PPP2CA: variants seen among roughly 807,000 people sequenced by gnomAD.
PPP2CA encodes serine/threonine-protein phosphatase 2A catalytic subunit alpha isoform.
Under a neutral mutation model 38.8 loss-of-function variants are expected in PPP2CA, and 5 were observed. The observed-to-expected ratio is 0.13, with a 90% confidence interval of 0.07 to 0.27. The LOEUF is 0.27. PPP2CA is among the 10% of genes least tolerant of loss of function. The pLI is 1.00. For synonymous variants in PPP2CA, 152 were observed against 134.0 expected (o/e 1.13, Z -0.93); for missense variants, 88 against 389.7 (o/e 0.23, Z 6.52).
intron 1 of PPP2CA, among the ~76,000 whole-genome samples, chr5:134,221,207 G>T (rs1300801342): frequency 6.6e-6 from 1 of 152,136 alleles, no homozygotes; most frequent in Non-Finnish European, 1.5e-5. Context: ...CGCCTCCCAG[G>T]TTCAAGCAAT....
At chr5:134,209,978 T>C (rs1236308443) in intron 1 of PPP2CA, among the ~76,000 whole-genome samples, 1 of 151,960 alleles carries the variant, frequency 6.6e-6, no homozygotes, top group Non-Finnish European at 1.5e-5. Context: ...CCCAAAAGGC[T>C]GAGCTAGGAG....
At chr5:134,210,884 C>G (rs1762190575) in intron 1 of PPP2CA, among the ~76,000 whole-genome samples, 2 of 152,124 alleles carry the variant, frequency 1.3e-5, no homozygotes, top group African/African-American at 4.8e-5. Context: ...TTCTGAAATT[C>G]AGTCAAATGG....
chr5:134,198,404 A>AAACG, intron 6 of PPP2CA, among the ~76,000 whole-genome samples: 1 of 151,476 alleles, frequency 6.6e-6, no homozygotes, highest in African/African-American at 2.4e-5. Flanking sequence ...AAAAACAAAC[A>AAACG]AACAACAAAA....
chr5:134,205,894 A>C lies in PPP2CA; in HGVS notation c.312+28T>G, dbSNP rs529462183. On this transcript the variant is annotated intron_variant, in intron 2 of 6. Coordinates refer to ENST00000481195, the MANE Select transcript of PPP2CA (RefSeq NM_002715.4). ...CAAGAGGACTGTCTTACCCATTTCAACATGCCCCAACATAAAATTGAAATT... is the reference window on the plus strand; with the variant it reads ...CAAGAGGACTGTCTTACCCATTTCACCATGCCCCAACATAAAATTGAAATT... 5 of 1,590,166 alleles carry C rather than the reference A, an allele frequency of 3.1e-6. No homozygotes were observed. The South Asian group carries it at 5.5e-5, about 18-fold the overall frequency.
Position 134,221,643 on chromosome 5 carries a change from CAT to C in PPP2CA, c.102+4115_102+4116del. ...GACAAAGAGGAACAACAGTATGTAA[CAT>C]GAATAGGAAGCTTTCAAGCAATGAA... is the stretch of plus-strand genomic sequence containing the variant. On this transcript the variant is annotated intron_variant, in intron 1 of 6. Coordinates refer to ENST00000481195, the MANE Select transcript of PPP2CA (RefSeq NM_002715.4). Among the ~76,000 whole-genome samples, 3 of 152,210 alleles carry C rather than the reference CAT, an allele frequency of 2.0e-5. No homozygotes were observed. The South Asian group carries it at 6.2e-4, about 32-fold the overall frequency.
intron 2 of PPP2CA, among the ~76,000 whole-genome samples, chr5:134,204,390 C>CA (rs1298787688): frequency 1.3e-5 from 2 of 152,240 alleles, no homozygotes; most frequent in African/African-American, 2.4e-5. Context: ...GTACACTTTG[C>CA]AAAGCTACAA....
At chr5:134,200,526 C>T (rs1370184341) in intron 4 of PPP2CA, 30 bp from the exon 5 acceptor site, 2 of 1,604,204 alleles carry the variant, frequency 1.2e-6, no homozygotes. Context: ...TATAAAATGC[C>T]TTTTACAAAC....
chr5:134,214,775 T>C (rs924244513), intron 1 of PPP2CA, among the ~76,000 whole-genome samples: 2 of 152,180 alleles, frequency 1.3e-5, no homozygotes, highest in African/African-American at 2.4e-5. Flanking sequence ...TTTGTTTCTC[T>C]TATTTTTTAA....
chr5:134,200,544 A>G, intron 4 of PPP2CA, 48 bp from the exon 5 acceptor site: 1 of 1,586,438 alleles, frequency 6.3e-7, no homozygotes, highest in Non-Finnish European at 8.6e-7. Context: ...AACATGGTTA[A>G]CACATTATTT....
At chr5:134,202,104 T>G in intron 2 of PPP2CA, 83 bp from the exon 3 acceptor site, 1 of 1,381,188 alleles carries the variant, frequency 7.2e-7, no homozygotes, top group African/African-American at 1.5e-5. Flanking sequence ...TAGAAAAAAA[T>G]GCAGTTACAA....
At chr5:134,215,099 T>C (rs1322279445) in intron 1 of PPP2CA, among the ~76,000 whole-genome samples, 40 of 4,064 alleles carry the variant, frequency 9.8e-3, no homozygotes, top group African/African-American at 0.03. Context: ...TTTATTTACT[T>C]TTTTTTTTTT....
chr5:134,210,518 C>G (rs1221886234), intron 1 of PPP2CA, among the ~76,000 whole-genome samples: 4 of 152,092 alleles, frequency 2.6e-5, no homozygotes, highest in African/African-American at 4.8e-5. Flanking sequence ...TGGTCAACAT[C>G]TGGGAAAAAA....
In PPP2CA at chr5:134,225,874, C is replaced by G; in HGVS notation, c.-13G>C. 1 of 1,603,036 alleles carries G rather than the reference C, an allele frequency of 6.2e-7. No homozygotes were observed. Among genetic ancestry groups the G allele is most frequent in the African/African-American group, 1.3e-5 (1 of 74,434 alleles). ...CCTTCTCGTCCATGATGCCACCCGCCCCAGCCGGCTGCCGCTCCGCGCTGC... is the reference window on the plus strand; with the variant it reads ...CCTTCTCGTCCATGATGCCACCCGCGCCAGCCGGCTGCCGCTCCGCGCTGC... On this transcript the variant is annotated 5_prime_UTR_variant, in exon 1 of 7. Transcript: ENST00000481195.
intron 1 of PPP2CA, among the ~76,000 whole-genome samples, chr5:134,221,181 G>C (rs937925895): frequency 1.3e-5 from 2 of 152,100 alleles, no homozygotes; most frequent in Middle Eastern, 3.2e-3. Context: ...GCACAATCTT[G>C]GTTCACTGCA....
intron 6 of PPP2CA, 69 bp from the exon 7 acceptor site, chr5:134,197,913 C>A (rs1761888657): frequency 5.3e-6 from 7 of 1,328,208 alleles, no homozygotes; most frequent in East Asian, 2.3e-5. Context: ...AGATCAAGAA[C>A]ATGAGTCTTC....
chr5:134,202,776 C>T lies in PPP2CA; in HGVS notation c.313-755G>A, dbSNP rs183166298. Among the ~76,000 whole-genome samples the T allele has an allele frequency of 3.1e-4, 47 of 152,298 alleles. 1 individual carries two copies. The East Asian group carries it at 7.1e-3, about 23-fold the overall frequency. ...ATATAATTGTTGGATCACCTGGTAA[C>T]GTTTAACTTTTTGAGAAACAGTCAA... On this transcript the variant is annotated intron_variant, in intron 2 of 6. Coordinates refer to ENST00000481195, the MANE Select transcript of PPP2CA (RefSeq NM_002715.4).
At chr5:134,209,608 C>T (rs1448463559) in intron 1 of PPP2CA, among the ~76,000 whole-genome samples, 1 of 151,996 alleles carries the variant, frequency 6.6e-6, no homozygotes, top group Non-Finnish European at 1.5e-5. Context: ...GGTAAAACCC[C>T]GTCTCTACTA....
chr5:134,205,970 G>A lies in PPP2CA; in HGVS notation c.264C>T (p.Asp88=), dbSNP rs1232819895. 6.2e-7 allele frequency: 1 copy of A among 1,614,074 alleles called. No individual in the cohort carries two copies. The highest frequency in any genetic ancestry group is 1.1e-5 in the South Asian group (1 of 91,076). ...CTGTTTCAACTGAATAATATCCTCT[G>A]TCAACATAATCTCCCATAAACAAGT... The part of the protein sequence containing the change: ...TNYLFMGDYV[D]RGYYSVETVT... The change falls in exon 2 of 7, where the codon GAC becomes GAT. Residue 88 remains aspartate, a synonymous_variant. Coordinates refer to ENST00000481195, the MANE Select transcript of PPP2CA (RefSeq NM_002715.4).
intron 2 of PPP2CA, among the ~76,000 whole-genome samples, chr5:134,204,765 G>T (rs4565259): frequency 0.87 from 132,787 of 152,156 alleles, 58,284 homozygotes; most frequent in Middle Eastern, 0.92. Context: ...ACCCAGCCTA[G>T]TCTAGATTAT....
Sources: gnomAD v4.1 joint callset for allele counts (sites outside exome capture counted in the v4.1 genomes callset) on GRCh38, gnomAD v4.1.1 for gene constraint, MANE v1.5 for transcripts, NCBI Gene and HGNC (gene_info 2026-07-23, HGNC 2026-07-21) for gene names.